The following POLA1 variants were observed in gnomAD, a reference collection of about 807,000 sequenced individuals.
POLA1 encodes the protein DNA polymerase alpha 1, catalytic subunit.
Under a neutral mutation model 124.0 loss-of-function variants are expected in POLA1, and 15 were observed. The ratio of observed to expected loss-of-function variants is 0.12; its 90% CI spans 0.08 to 0.19. POLA1 has a LOEUF of 0.19. POLA1 is among the 10% of genes least tolerant of loss of function. The pLI is 1.00. For missense variants in POLA1, 886 were observed against 1,103.4 expected (o/e 0.80, Z 2.79); for synonymous variants, 408 against 389.4 (o/e 1.05, Z -0.56).
intron 26 of POLA1, among the ~76,000 whole-genome samples, chrX:24,753,168 A>G (rs990514857): frequency 1.1e-3 from 115 of 106,226 alleles, no homozygotes; most frequent in Non-Finnish European, 1.8e-3. Context: ...ACAGGCGCCC[A>G]CCACCATGCC....
intron 4 of POLA1, among the ~76,000 whole-genome samples, chrX:24,709,238 G>C (rs1276294293): frequency 2.0e-5 from 2 of 100,445 alleles, no homozygotes; most frequent in South Asian, 4.2e-4. Flanking sequence ...TGGCCGGGCG[G>C]GGGGCTGACC....
intron 30 of POLA1, 32 bp downstream of exon 30, chrX:24,815,143 G>A: frequency 1.7e-6 from 2 of 1,172,276 alleles, no homozygotes; most frequent in Non-Finnish European, 2.3e-6. Context: ...GAGCCCAGCT[G>A]CTGTCATGTG....
intron 36 of POLA1, among the ~76,000 whole-genome samples, chrX:24,953,905 C>T (rs2048075638): frequency 8.9e-6 from 1 of 112,116 alleles, no homozygotes; most frequent in African/African-American, 3.2e-5. Flanking sequence ...AGTCTTATTC[C>T]CATATCAGCA....
At position 24,828,559 on chromosome X, in the gene POLA1, C is replaced by G. The variant is rs752889087; in HGVS notation, c.3736+1958C>G. 2.7e-5 allele frequency among the ~76,000 whole-genome samples: 3 copies of G among 111,984 alleles called. No individual in the cohort carries two copies. In the Admixed American group the frequency reaches 2.8e-4, roughly 11 times the overall value. On this transcript the variant is annotated intron_variant, in intron 32 of 36. Coordinates refer to ENST00000379068, the MANE Select transcript of POLA1 (RefSeq NM_001330360.2). ...CTCTATTTCTCACTGTACTCCCCCC[C>G]GCTCTCCACTGAAAACCTCTGAGTA...
At chrX:24,755,724 T>C (rs1052206109) in intron 26 of POLA1, among the ~76,000 whole-genome samples, 12 of 112,274 alleles carry the variant, frequency 1.1e-4, no homozygotes, top group African/African-American at 3.9e-4. Flanking sequence ...TGGGTTTTTT[T>C]CCCACAAGAA....
At chrX:24,913,903 G>A (rs1298938597) in intron 35 of POLA1, among the ~76,000 whole-genome samples, 2 of 107,666 alleles carry the variant, frequency 1.9e-5, no homozygotes, top group Non-Finnish European at 3.8e-5. Flanking sequence ...TGGCATGCGT[G>A]TGTAATCCGA....
intron 19 of POLA1, among the ~76,000 whole-genome samples, chrX:24,739,108 C>T (rs1931480735): frequency 9.0e-6 from 1 of 111,480 alleles, no homozygotes; most frequent in African/African-American, 3.3e-5. Flanking sequence ...TTGTTACCTC[C>T]TAAAACTATA....
At chrX:24,756,668 A>G (rs750527350) in intron 26 of POLA1, among the ~76,000 whole-genome samples, 3 of 111,462 alleles carry the variant, frequency 2.7e-5, no homozygotes, top group South Asian at 7.6e-4. Context: ...CTGAAGTTGT[A>G]TGTAATATTT....
intron 26 of POLA1, among the ~76,000 whole-genome samples, chrX:24,784,791 A>G (rs755768920): frequency 6.2e-5 from 7 of 112,538 alleles, no homozygotes; most frequent in Non-Finnish European, 1.1e-4. Context: ...GTAGACACTA[A>G]TGTAATAATA....
At chrX:24,968,651 G>T (rs748039872) in intron 36 of POLA1, among the ~76,000 whole-genome samples, 1 of 105,213 alleles carries the variant, frequency 9.5e-6, no homozygotes, top group Non-Finnish European at 2.0e-5. Context: ...TGCAGTGAGC[G>T]GAGATTGGGC....
intron 13 of POLA1, 30 bp from the exon 14 acceptor site, chrX:24,726,903 A>G (rs748884863): frequency 8.8e-7 from 1 of 1,130,149 alleles, no homozygotes; most frequent in East Asian, 3.0e-5. Context: ...GTTTTAAACA[A>G]AAAGATTCTT....
chrX:24,972,601 G>T (rs947231563), intron 36 of POLA1, among the ~76,000 whole-genome samples: 2 of 111,888 alleles, frequency 1.8e-5, no homozygotes, highest in Non-Finnish European at 3.8e-5. Context: ...CCGGGAAAAG[G>T]CTGTCGGCAT....
intron 3 of POLA1, among the ~76,000 whole-genome samples, chrX:24,703,566 G>A (rs1166663181): frequency 8.9e-6 from 1 of 112,169 alleles, no homozygotes; most frequent in African/African-American, 3.2e-5. Context: ...GAGAATCTAG[G>A]CACATACCTC....
intron 36 of POLA1, among the ~76,000 whole-genome samples, chrX:24,943,869 A>G (rs965362221): frequency 8.9e-6 from 1 of 111,760 alleles, no homozygotes; most frequent in Admixed American, 9.5e-5. Context: ...GAATTACCCT[A>G]CCATGTAATT....
chrX:24,773,547 G>A (rs769263023), intron 26 of POLA1, among the ~76,000 whole-genome samples: 1 of 112,072 alleles, frequency 8.9e-6, no homozygotes, highest in Non-Finnish European at 1.9e-5. Context: ...TAACCTTTCT[G>A]TGTCTTAGTT....
intron 36 of POLA1, among the ~76,000 whole-genome samples, chrX:24,956,849 C>T (rs1460464112): frequency 1.8e-5 from 2 of 111,079 alleles, no homozygotes; most frequent in Non-Finnish European, 3.8e-5. Context: ...TACAAAAGGC[C>T]AAAAAAAGTA....
chrX:24,901,689 G>A (rs149451922), intron 35 of POLA1, among the ~76,000 whole-genome samples: 181 of 111,335 alleles, frequency 1.6e-3, no homozygotes, highest in African/African-American at 5.8e-3. Context: ...GAAGTGGTTA[G>A]ATTCTTGATG....
chrX:24,982,792 A>G (rs2048436806), intron 36 of POLA1, among the ~76,000 whole-genome samples: 1 of 110,102 alleles, frequency 9.1e-6, no homozygotes, highest in Non-Finnish European at 1.9e-5. Flanking sequence ...GACTCCTACT[A>G]TGACTAAGGA....
At position 24,745,435 on chromosome X, in the gene POLA1, A is replaced by C; in HGVS notation, c.2584A>C (p.Ile862Leu). The stretch of plus-strand genomic sequence containing the variant: ...AATTTCAGGTTTTTATGATAAGTTC[A>C]TTTTGCTTCTGGACTTCAACAGTCT... ...DPKVGFYDKFILLLDFNSLYP... is the reference protein window; with the variant it reads ...DPKVGFYDKFLLLLDFNSLYP... Residue 862 changes from isoleucine to leucine, a missense_variant, in exon 24 of 37, where the codon ATT (isoleucine) becomes CTT (leucine). By Grantham distance (5) the Ile-to-Leu change is conservative. Around this residue, in one of 7 missense-constraint regions of POLA1, gnomAD observed 182 missense variants for 252.8 expected, o/e 0.72. Coordinates refer to ENST00000379068, the MANE Select transcript of POLA1 (RefSeq NM_001330360.2). 3.5e-6 allele frequency: 4 copies of C among 1,151,789 alleles called. No individual in the cohort carries two copies. Among genetic ancestry groups the C allele is most frequent in the Non-Finnish European group, 4.7e-6 (4 of 856,335 alleles). The allele number at this position is 1,151,789 out of a possible 1,213,427, so 94.9% of individuals were successfully genotyped here. A position where few individuals can be genotyped will look rare whatever the true frequency, so the allele number is the denominator to read the frequency against.
Sources: gnomAD v4.1 joint callset for allele counts (sites outside exome capture counted in the v4.1 genomes callset) on GRCh38, gnomAD v4.1.1 for gene constraint, gnomAD v4.1.1 regional missense constraint, MANE v1.5 for transcripts, NCBI Gene and HGNC (gene_info 2026-07-23, HGNC 2026-07-21) for gene names.